DOCK11: variants seen among roughly 807,000 people sequenced by gnomAD.
DOCK11 encodes dedicator of cytokinesis protein 11.
A neutral mutation model predicts 169.1 loss-of-function variants in DOCK11; 70 were observed. That is an observed-to-expected ratio of 0.41 (90% CI 0.34 to 0.51). The LOEUF (loss-of-function observed/expected upper bound fraction) is 0.51. DOCK11 is among the 20% of genes least tolerant of loss of function. The probability of loss-of-function intolerance (pLI) is 0.10; values close to 1 mark genes in which losing one functional copy is unlikely to be tolerated. For missense variants in DOCK11, 1,166 were observed against 1,538.8 expected (o/e 0.76, Z 4.05); for synonymous variants, 529 against 541.3 (o/e 0.98, Z 0.32).
At chrX:118,684,905 C>A (rs1050746595) in intron 52 of DOCK11, among the ~76,000 whole-genome samples, 1 of 111,674 alleles carries the variant, frequency 9.0e-6, no homozygotes, top group African/African-American at 3.2e-5. Context: ...GGGCTTAATA[C>A]TGAAGTTTCA....
chrX:118,577,899 T>C (rs919752045), intron 12 of DOCK11, among the ~76,000 whole-genome samples: 2 of 112,093 alleles, frequency 1.8e-5, no homozygotes, highest in Non-Finnish European at 3.8e-5. Context: ...GTAGATGATA[T>C]TATATTTGGA....
intron 1 of DOCK11, among the ~76,000 whole-genome samples, chrX:118,533,995 TTTTC>T (rs1455671788): frequency 3.6e-5 from 4 of 112,476 alleles, no homozygotes; most frequent in Non-Finnish European, 7.5e-5. Context: ...GCACATTTCT[TTTTC>T]TTTCTGTCAA....
At position 118,495,942 on chromosome X, in the gene DOCK11, G is replaced by C; in HGVS notation, c.-30G>C. 9.9e-7 allele frequency: 1 copy of C among 1,009,328 alleles called. No homozygotes were observed. Among genetic ancestry groups the C allele is most frequent in the Middle Eastern group, 3.9e-4 (1 of 2,594 alleles). 83.2% of individuals were successfully genotyped at this position (1,009,328 alleles called of 1,213,427 possible). ...TCCACCCGCCCGCCGAGGTCCGCCC[G>C]CCCGCCGAGACCCGCCCGCCGCCGC... On this transcript the variant is annotated 5_prime_UTR_variant, in exon 1 of 53. Transcript: ENST00000276202.
intron 46 of DOCK11, among the ~76,000 whole-genome samples, chrX:118,675,608 G>A (rs1569447772): frequency 9.1e-6 from 1 of 109,981 alleles, no homozygotes; most frequent in East Asian, 2.9e-4. Flanking sequence ...GGAACTTAGA[G>A]GATGGGCCAA....
intron 1 of DOCK11, among the ~76,000 whole-genome samples, chrX:118,499,006 A>G (rs183121534): frequency 2.7e-5 from 3 of 112,015 alleles, no homozygotes; most frequent in African/African-American, 9.7e-5. Context: ...CAGCATTTTT[A>G]TGAAGGTCAG....
At chrX:118,612,752 A>G (rs2014714900) in intron 28 of DOCK11, among the ~76,000 whole-genome samples, 1 of 111,983 alleles carries the variant, frequency 8.9e-6, no homozygotes, top group Non-Finnish European at 1.9e-5. Context: ...TGAAATATGC[A>G]TGTTCAAAAA....
chrX:118,578,738 A>G (rs2013534054), intron 13 of DOCK11, 91 bp downstream of exon 13: 2 of 905,963 alleles, frequency 2.2e-6, no homozygotes, highest in Non-Finnish European at 3.0e-6. Context: ...TGAGCATGCT[A>G]TATATTCTGA....
At chrX:118,672,611 A>AT (rs59211912) in intron 46 of DOCK11, among the ~76,000 whole-genome samples, 136 of 111,709 alleles carry the variant, frequency 1.2e-3, no homozygotes, top group African/African-American at 3.9e-3. Flanking sequence ...ATTTTTTTGT[A>AT]TTTTTAGTAG....
chrX:118,619,893 C>T (rs1239582780), intron 31 of DOCK11, among the ~76,000 whole-genome samples: 1 of 108,456 alleles, frequency 9.2e-6, no homozygotes, highest in African/African-American at 3.4e-5. Context: ...TCTCGGCTCA[C>T]TGCAACCTCT....
chrX:118,579,882 A>G (rs1016249922), intron 13 of DOCK11, among the ~76,000 whole-genome samples: 12 of 112,427 alleles, frequency 1.1e-4, no homozygotes, highest in African/African-American at 3.6e-4. Flanking sequence ...TATAAGTGAC[A>G]GAAGCTCTGT....
chrX:118,678,809 C>T (rs1211575828), intron 48 of DOCK11, among the ~76,000 whole-genome samples: 2 of 110,892 alleles, frequency 1.8e-5, no homozygotes, highest in African/African-American at 6.6e-5. Context: ...CTGGCTCTGT[C>T]GCCCAGGCTG....
chrX:118,607,847 A>G (rs1300480837), intron 24 of DOCK11, among the ~76,000 whole-genome samples: 1 of 112,310 alleles, frequency 8.9e-6, no homozygotes, highest in Non-Finnish European at 1.9e-5. Context: ...CAAATTAAAT[A>G]TCCTTCTTTT....
At chrX:118,630,332 G>A (rs993297822) in intron 34 of DOCK11, 47 bp from the exon 35 acceptor site, 1 of 821,207 alleles carries the variant, frequency 1.2e-6, no homozygotes, top group Non-Finnish European at 1.8e-6. Context: ...GTTAAAGGCT[G>A]TGGAAAATTG....
chrX:118,626,263 G>A (rs201297345), intron 32 of DOCK11, among the ~76,000 whole-genome samples: 1 of 96,495 alleles, frequency 1.0e-5, no homozygotes, highest in Non-Finnish European at 2.1e-5. Context: ...GAGACGGGGG[G>A]TTTCACCATG....
At chrX:118,613,064 T>C (rs2014723523) in intron 28 of DOCK11, among the ~76,000 whole-genome samples, 1 of 112,181 alleles carries the variant, frequency 8.9e-6, no homozygotes, top group Non-Finnish European at 1.9e-5. Flanking sequence ...GCAGTGTTGA[T>C]CACCCCTTCT....
intron 40 of DOCK11, among the ~76,000 whole-genome samples, chrX:118,647,974 AT>A (rs1569440997): frequency 5.3e-5 from 2 of 37,750 alleles, no homozygotes; most frequent in African/African-American, 1.1e-4. Context: ...ATATAATTAT[AT>A]ATAATATATA....
Position 118,561,659 on chromosome X carries a change from A to G in DOCK11, c.693+142A>G, listed in dbSNP as rs192369325. The G allele has an allele frequency of 1.7e-4, 99 of 573,388 alleles. No individual in the cohort carries two copies. In the African/African-American group the frequency reaches 2.1e-3, roughly 12 times the overall value. 47.3% of individuals were successfully genotyped at this position (573,388 alleles called of 1,213,427 possible). ...TGAGGCAGGAGGATCGCTTGAGCCTAGGAGTACATCAGCCTGGGCAACAAA... is the reference window on the plus strand; with the variant it reads ...TGAGGCAGGAGGATCGCTTGAGCCTGGGAGTACATCAGCCTGGGCAACAAA... On this transcript the variant is annotated intron_variant, in intron 7 of 52. Coordinates refer to ENST00000276202, the MANE Select transcript of DOCK11 (RefSeq NM_144658.4).
Position 118,630,421 on chromosome X carries a change from C to T in DOCK11, c.3817C>T (p.Arg1273Cys), listed in dbSNP as rs201197807. ...AAGGAGTAGTGTATCCCAGTATAAC[C>T]GCCTGGATCAGTATGAAATCAGAAG... ...STRSSVSQYN[R>C]LDQYEIRSLL... is the part of the protein sequence containing the mutation. The change falls in exon 35 of 53, where the codon CGC (arginine) becomes TGC (cysteine). Residue 1273 changes from arginine to cysteine, a missense_variant. Coordinates refer to ENST00000276202, the MANE Select transcript of DOCK11 (RefSeq NM_144658.4). The T allele has an allele frequency of 1.5e-4, 182 of 1,207,547 alleles. No homozygotes were observed. Among genetic ancestry groups the T allele is most frequent in the Non-Finnish European group, 1.9e-4 (167 of 893,643 alleles).
At chrX:118,568,407 TATATATATATATATATA>T (rs1293610029) in intron 10 of DOCK11, among the ~76,000 whole-genome samples, 2 of 82,313 alleles carry the variant, frequency 2.4e-5, no homozygotes, top group Non-Finnish European at 4.7e-5. Flanking sequence ...TATATATATA[TATATATATATATATATA>T]TTTCTCAGTT....
Sources: gnomAD v4.1 joint callset for allele counts (sites outside exome capture counted in the v4.1 genomes callset) on GRCh38, gnomAD v4.1.1 for gene constraint, MANE v1.5 for transcripts, NCBI Gene and HGNC (gene_info 2026-07-23, HGNC 2026-07-21) for gene names.